The following SGCZ variants were observed in gnomAD, a reference collection of about 807,000 sequenced individuals.
SGCZ encodes the protein sarcoglycan zeta.
Under a neutral mutation model 41.3 loss-of-function variants are expected in SGCZ, and 40 were observed. The ratio of observed to expected loss-of-function variants is 0.97; its 90% CI spans 0.75 to 1.26. SGCZ has a LOEUF of 1.26. SGCZ is among the 50% of genes most tolerant of loss of function. SGCZ has a pLI of 0.00. For synonymous variants in SGCZ, 206 were observed against 137.5 expected, an observed-to-expected ratio of 1.50 and a Z score of -3.49; for missense variants, 552 against 369.8, an observed-to-expected ratio of 1.49 and a Z score of -4.04.
At position 14,811,518 on chromosome 8, in the gene SGCZ, C is replaced by CTTTTTTTTTTT. The variant is rs71209087; in HGVS notation, c.40-256603_40-256593dup. Among the ~76,000 whole-genome samples, 9 of 49,748 alleles carry CTTTTTTTTTTT rather than the reference C, an allele frequency of 1.8e-4. 2 individuals are homozygous for CTTTTTTTTTTT. Among genetic ancestry groups the CTTTTTTTTTTT allele is most frequent in the African/African-American group, 2.3e-4 (3 of 12,914 alleles). The allele number at this position is 49,748 out of a possible 152,430, so 32.6% of individuals were successfully genotyped here. ...AAACATTCGCTGAAAGACACTGCAT[C>CTTTTTTTTTTT]TTTTTTTTTTTTTTTTTTTTTTTTT... On this transcript the variant is annotated intron_variant, in intron 1 of 7. Transcript: ENST00000382080.
intron 5 of SGCZ, among the ~76,000 whole-genome samples, chr8:14,146,399 G>T (rs980357640): frequency 3.3e-5 from 5 of 152,090 alleles, no homozygotes; most frequent in African/African-American, 1.2e-4. Flanking sequence ...AAAGCCGAGG[G>T]ATTTCATCAA....
intron 1 of SGCZ, among the ~76,000 whole-genome samples, chr8:15,009,198 GAGCCTCAGGAAATTTAATT>G: frequency 8.3e-6 from 1 of 120,058 alleles, no homozygotes. Flanking sequence ...CATGGCTGGG[GAGCCTCAGGAAATTTAATT>G]ATGGCAGAAA....
intron 1 of SGCZ, among the ~76,000 whole-genome samples, chr8:15,027,218 C>T (rs545646345): frequency 1.3e-5 from 2 of 152,242 alleles, no homozygotes; most frequent in Non-Finnish European, 2.9e-5. Context: ...TATGTACTGA[C>T]ATTTTTGAAA....
chr8:14,821,747 A>G (rs1802095480), intron 1 of SGCZ, among the ~76,000 whole-genome samples: 1 of 152,074 alleles, frequency 6.6e-6, no homozygotes, highest in Admixed American at 6.6e-5. Flanking sequence ...CAGAAAAAGC[A>G]TTTGACAAAA....
intron 1 of SGCZ, among the ~76,000 whole-genome samples, chr8:15,035,639 G>C (rs1184992659): frequency 6.6e-6 from 1 of 151,994 alleles, no homozygotes; most frequent in Non-Finnish European, 1.5e-5. Context: ...CTAAAGTAAA[G>C]GCTGAAAAGA....
chr8:14,912,133 T>C (rs17120587), intron 1 of SGCZ, among the ~76,000 whole-genome samples: 8,732 of 152,062 alleles, frequency 0.057, 309 homozygotes, highest in Admixed American at 0.079. Context: ...TATGAAATTG[T>C]GTTTTAAATA....
At chr8:14,968,896 T>C (rs1801203191) in intron 1 of SGCZ, among the ~76,000 whole-genome samples, 1 of 152,166 alleles carries the variant, frequency 6.6e-6, no homozygotes, top group African/African-American at 2.4e-5. Context: ...TGGCTTTTCA[T>C]TCGAGCTTTT....
chr8:14,263,926 G>C (rs1258601105), intron 3 of SGCZ, among the ~76,000 whole-genome samples: 3 of 152,204 alleles, frequency 2.0e-5, no homozygotes, highest in Non-Finnish European at 2.9e-5. Flanking sequence ...AGGCCTACCA[G>C]GGTGAAACCC....
At chr8:14,252,676 G>A (rs181870146) in intron 3 of SGCZ, among the ~76,000 whole-genome samples, 1 of 152,178 alleles carries the variant, frequency 6.6e-6, no homozygotes, top group African/African-American at 2.4e-5. Flanking sequence ...ATATAAAGTC[G>A]AGGGGGCAGG....
chr8:14,588,511 C>T (rs770086514), intron 1 of SGCZ, among the ~76,000 whole-genome samples: 14 of 151,916 alleles, frequency 9.2e-5, no homozygotes, highest in Non-Finnish European at 1.6e-4. Context: ...AAATTTTGCC[C>T]TAGAACATTT....
At chr8:14,869,029 A>T (rs1804043498) in intron 1 of SGCZ, among the ~76,000 whole-genome samples, 1 of 152,302 alleles carries the variant, frequency 6.6e-6, no homozygotes, top group East Asian at 1.9e-4. Context: ...AGCTGGTACC[A>T]TTCCTTCTGA....
intron 2 of SGCZ, among the ~76,000 whole-genome samples, chr8:14,406,521 G>A (rs1361633531): frequency 6.6e-6 from 1 of 152,130 alleles, no homozygotes; most frequent in African/African-American, 2.4e-5. Context: ...AACAAACATT[G>A]TTGAATGAAT....
At chr8:14,728,187 A>G (rs566399382) in intron 1 of SGCZ, among the ~76,000 whole-genome samples, 210 of 152,306 alleles carry the variant, frequency 1.4e-3, no homozygotes, top group Non-Finnish European at 2.6e-3. Context: ...AATGCATCGA[A>G]GCAAACACTT....
chr8:14,138,502 A>C (rs1409321193), intron 5 of SGCZ, among the ~76,000 whole-genome samples: 3 of 122,044 alleles, frequency 2.5e-5, no homozygotes, highest in Non-Finnish European at 4.9e-5. Context: ...TCTACCAAGC[A>C]AAGGGAAAAC....
At chr8:14,302,936 C>T (rs1353000041) in intron 3 of SGCZ, among the ~76,000 whole-genome samples, 1 of 152,094 alleles carries the variant, frequency 6.6e-6, no homozygotes, top group Admixed American at 6.5e-5. Context: ...AACATGACCC[C>T]AAACTTTCTT....
At chr8:14,884,666 G>C (rs1202554425) in intron 1 of SGCZ, among the ~76,000 whole-genome samples, 1 of 152,094 alleles carries the variant, frequency 6.6e-6, no homozygotes, top group Non-Finnish European at 1.5e-5. Context: ...ATGGCACCAA[G>C]AGGGCATTCA....
chr8:14,652,344 A>AC (rs1807427515), intron 1 of SGCZ, among the ~76,000 whole-genome samples: 1 of 7,464 alleles, frequency 1.3e-4, no homozygotes, highest in Admixed American at 3.0e-3. Context: ...CAAAAAAAAA[A>AC]AAGGGGGGGG....
At chr8:15,143,339 T>C (rs1199587771) in intron 1 of SGCZ, among the ~76,000 whole-genome samples, 1 of 152,206 alleles carries the variant, frequency 6.6e-6, no homozygotes, top group Non-Finnish European at 1.5e-5. Flanking sequence ...AAAATATCTA[T>C]TGAAAGAATA....
intron 1 of SGCZ, among the ~76,000 whole-genome samples, chr8:14,699,942 A>C (rs1204906214): frequency 1.3e-5 from 2 of 152,066 alleles, no homozygotes; most frequent in African/African-American, 4.8e-5. Context: ...ATTATTAAAA[A>C]GCCAAAACAT....
Sources: allele counts gnomAD v4.1 joint callset (sites outside exome capture counted in the v4.1 genomes callset), GRCh38; gene constraint gnomAD v4.1.1; transcripts MANE v1.5; gene names NCBI Gene and HGNC (gene_info 2026-07-23, HGNC 2026-07-21).